Variants in DCAF8L2 observed in about 807,000 individuals in gnomAD.
DCAF8L2 encodes the protein DDB1 and CUL4 associated factor 8 like 2, also known as DDB1- and CUL4-associated factor 8-like protein 2.
For missense variants in DCAF8L2, 430 were observed against 490.7 expected, an observed-to-expected ratio of 0.88 and a Z score of 1.17; for synonymous variants, 200 against 190.9, an observed-to-expected ratio of 1.05 and a Z score of -0.39.
intron 1 of DCAF8L2, among the ~76,000 whole-genome samples, chrX:27,608,121 T>A (rs1428104988): frequency 2.7e-5 from 3 of 111,721 alleles, no homozygotes; most frequent in Non-Finnish European, 5.6e-5. Flanking sequence ...CTCTGTTAGG[T>A]AAATATATAA....
the DCAF8L2 span, among the ~76,000 whole-genome samples, chrX:27,497,464 T>C: frequency 9.2e-6 from 1 of 108,866 alleles, no homozygotes; most frequent in Non-Finnish European, 1.9e-5. Context: ...ATTTCCCCAT[T>C]TCCCATCCTT....
At chrX:27,595,337 C>G in intron 1 of DCAF8L2, among the ~76,000 whole-genome samples, 1 of 111,607 alleles carries the variant, frequency 9.0e-6, no homozygotes, top group Non-Finnish European at 1.9e-5. Context: ...ACTCCAAACT[C>G]GATTTTTGCC....
the DCAF8L2 span, among the ~76,000 whole-genome samples, chrX:27,576,211 C>T: frequency 9.0e-6 from 1 of 111,709 alleles, no homozygotes; most frequent in Non-Finnish European, 1.9e-5. Context: ...AAATATATAA[C>T]GTATTCAACT....
chrX:27,483,392 A>C, the DCAF8L2 span, among the ~76,000 whole-genome samples: 1 of 112,127 alleles, frequency 8.9e-6, no homozygotes, highest in Non-Finnish European at 1.9e-5. Context: ...ATTTTTGTAA[A>C]ATACTGTATA....
chrX:27,504,083 C>A, the DCAF8L2 span, among the ~76,000 whole-genome samples: 3 of 111,898 alleles, frequency 2.7e-5, no homozygotes, highest in African/African-American at 9.7e-5. Flanking sequence ...ATATTAATTA[C>A]ATTGTGTTGG....
At chrX:27,740,959 C>T (rs1257939404) in intron 4 of DCAF8L2, among the ~76,000 whole-genome samples, 4 of 111,699 alleles carry the variant, frequency 3.6e-5, no homozygotes, top group Non-Finnish European at 7.5e-5. Context: ...CACTTTTATT[C>T]ACCACCGTAT....
At chrX:27,740,604 G>C (rs1921790321) in intron 4 of DCAF8L2, among the ~76,000 whole-genome samples, 1 of 111,574 alleles carries the variant, frequency 9.0e-6, no homozygotes, top group East Asian at 2.8e-4. Context: ...TGCTTGTACT[G>C]CTTCAATCAC....
chrX:27,712,871 TTGTC>T (rs1385277351), intron 3 of DCAF8L2, among the ~76,000 whole-genome samples: 1 of 112,146 alleles, frequency 8.9e-6, no homozygotes, highest in Non-Finnish European at 1.9e-5. Flanking sequence ...AAATAGATAA[TTGTC>T]TGTTTCTATA....
At chrX:27,511,113 G>A in the DCAF8L2 span, among the ~76,000 whole-genome samples, 1 of 110,874 alleles carries the variant, frequency 9.0e-6, no homozygotes. Flanking sequence ...AGCTGTACAA[G>A]TTTCTGCTTG....
At chrX:27,531,759 TGGTCCTTAA>T in the DCAF8L2 span, among the ~76,000 whole-genome samples, 1 of 111,417 alleles carries the variant, frequency 9.0e-6, no homozygotes, top group Non-Finnish European at 1.9e-5. Context: ...GAATAGATTC[TGGTCCTTAA>T]GGCCATAAAA....
rs771433281 is a variant in DCAF8L2, at chrX:27,748,712, A to G, written c.1817A>G (p.Glu606Gly). ...WRSGEAEFPD[E>G]ESDESSSTSE... ...AGTGGTGAAGCTGAATTTCCAGATG[A>G]AGAATCGGATGAGTCTTCCAGCACT... The change falls in exon 5 of 5, where the codon GAA (glutamate) becomes GGA (glycine). Residue 606 changes from glutamate (E) to glycine (G), a missense_variant. Transcript: ENST00000451261. 8.4e-7 allele frequency: 1 copy of G among 1,196,647 alleles called. No homozygotes were observed. Among genetic ancestry groups the G allele is most frequent in the African/African-American group, 1.8e-5 (1 of 56,905 alleles).
At chrX:27,683,176 T>C (rs1194614569) in intron 3 of DCAF8L2, among the ~76,000 whole-genome samples, 1 of 112,011 alleles carries the variant, frequency 8.9e-6, no homozygotes, top group Admixed American at 9.5e-5. Context: ...TTTTATGACA[T>C]GAAACAAAAG....
chrX:27,497,867 T>C, the DCAF8L2 span, among the ~76,000 whole-genome samples: 7 of 112,301 alleles, frequency 6.2e-5, no homozygotes, highest in Non-Finnish European at 1.3e-4. Context: ...GCACTCGGCC[T>C]CTGCTTTCTG....
the DCAF8L2 span, among the ~76,000 whole-genome samples, chrX:27,574,249 A>G: frequency 9.0e-6 from 1 of 111,496 alleles, no homozygotes; most frequent in Non-Finnish European, 1.9e-5. Flanking sequence ...TCGACAGTAC[A>G]GGAAGAACAA....
chrX:27,718,771 T>TG (rs969631866), intron 4 of DCAF8L2, among the ~76,000 whole-genome samples: 1 of 111,688 alleles, frequency 9.0e-6, no homozygotes, highest in Non-Finnish European at 1.9e-5. Flanking sequence ...GTCTCAAGCC[T>TG]GCTGGCTTTC....
Position 27,710,444 on chromosome X carries a change from T to G in DCAF8L2, c.-142-5644T>G, listed in dbSNP as rs1046325052. ...AATTAGAGTATTTTTCTTAATTTAT[T>G]TAAATATTCTCTAATCTGTTTGTCA... On this transcript the variant is annotated intron_variant, in intron 3 of 4. Transcript: ENST00000451261. 6.3e-5 allele frequency among the ~76,000 whole-genome samples: 7 copies of G among 111,934 alleles called. No individual in the cohort carries two copies. The Admixed American group carries it at 6.7e-4, about 11-fold the overall frequency.
chrX:27,545,295 A>G, the DCAF8L2 span, among the ~76,000 whole-genome samples: 1 of 111,240 alleles, frequency 9.0e-6, no homozygotes, highest in Non-Finnish European at 1.9e-5. Context: ...GGCTTCAGTT[A>G]ACCAAAACCA....
intron 1 of DCAF8L2, among the ~76,000 whole-genome samples, chrX:27,617,458 A>G (rs1325076069): frequency 1.8e-5 from 2 of 110,759 alleles, no homozygotes; most frequent in African/African-American, 3.3e-5. Context: ...ATTATCCTTC[A>G]TGGAGTCTTA....
chrX:27,748,483 T>A lies in DCAF8L2; in HGVS notation c.1588T>A (p.Cys530Ser), dbSNP rs1235069743. ...CCACCCTTACCTACCTGTGTTGGCG[T>A]GCAGTGGCCTAGATCATGATGTCAA... ...EPHPYLPVLA[C>S]SGLDHDVKIW... The change falls in exon 5 of 5, where the codon TGC (cysteine) becomes AGC (serine). Residue 530 changes from cysteine to serine, a missense_variant. Transcript: ENST00000451261. The A allele has an allele frequency of 8.3e-7, 1 of 1,210,089 alleles. No individual in the cohort carries two copies. The highest frequency in any genetic ancestry group is 2.2e-5 in the Admixed American group (1 of 45,961).
Sources: allele counts gnomAD v4.1 joint callset (sites outside exome capture counted in the v4.1 genomes callset), GRCh38; gene constraint gnomAD v4.1.1; transcripts MANE v1.5; gene names NCBI Gene and HGNC (gene_info 2026-07-23, HGNC 2026-07-21).